Variants in SCCPDH observed in about 807,000 individuals in gnomAD.
SCCPDH encodes the protein saccharopine dehydrogenase-like oxidoreductase.
SCCPDH carries 34 observed loss-of-function variants against 51.5 expected under a neutral mutation model. The ratio of observed to expected loss-of-function variants is 0.66; its 90% confidence interval spans 0.50 to 0.88. The LOEUF (loss-of-function observed/expected upper bound fraction) is 0.88. Ranked by LOEUF, SCCPDH falls within the 40% of genes least tolerant of loss-of-function variation. The pLI is 0.00. For synonymous variants in SCCPDH, 187 were observed against 191.3 expected (o/e 0.98, Z 0.19); for missense variants, 464 against 527.1 (o/e 0.88, Z 1.17).
At position 246,764,178 on chromosome 1, in the gene SCCPDH, C is replaced by T. The variant is rs1222676136; in HGVS notation, c.991-68C>T. On this transcript the variant is annotated intron_variant, in intron 9 of 11. Coordinates refer to ENST00000366510, the MANE Select transcript of SCCPDH (RefSeq NM_016002.3). Reference sequence around the variant, plus strand: ...AATGTCTCACTTGAAATAGAATAGTCGGTTTTACTATGTTCCAGGAGGAAA... The same window carrying T: ...AATGTCTCACTTGAAATAGAATAGTTGGTTTTACTATGTTCCAGGAGGAAA... 3.3e-6 allele frequency: 3 copies of T among 895,698 alleles called. No homozygotes were observed. The African/African-American group carries it at 5.0e-5, about 15-fold the overall frequency. The allele number at this position is 895,698 out of a possible 1,614,324, so 55.5% of individuals were successfully genotyped here.
Position 246,724,480 on chromosome 1 carries a change from G to T in SCCPDH, c.58G>T (p.Gly20Cys). ...LVVFGASGFT[G>C]QFVTEEVARE... The stretch of plus-strand genomic sequence containing the variant: ...GGTGTTCGGCGCGTCTGGCTTCACC[G>T]GCCAGTTCGTGACCGAGGAGGTGGC... The change falls in exon 1 of 12, where the codon GGC becomes TGC. Residue 20 changes from glycine to cysteine, a missense_variant. Physicochemically the swap from Gly to Cys is radical, Grantham distance 159. Coordinates refer to ENST00000366510, the MANE Select transcript of SCCPDH (RefSeq NM_016002.3). The T allele has an allele frequency of 6.3e-7, 1 of 1,588,426 alleles. No homozygotes were observed. Among genetic ancestry groups the T allele is most frequent in the Admixed American group, 1.8e-5 (1 of 56,940 alleles).
At chr1:246,740,833 C>G (rs940994802) in intron 4 of SCCPDH, among the ~76,000 whole-genome samples, 7 of 152,098 alleles carry the variant, frequency 4.6e-5, no homozygotes, top group Non-Finnish European at 8.8e-5. Context: ...ATAATCTTAG[C>G]TACTTGGGAG....
chr1:246,753,568 C>T (rs2102988385), intron 5 of SCCPDH, among the ~76,000 whole-genome samples: 1 of 151,950 alleles, frequency 6.6e-6, no homozygotes, highest in Admixed American at 6.6e-5. Flanking sequence ...TATCAATTCC[C>T]TAAGGTCCTG....
At chr1:246,733,813 GA>G (rs1192332804) in intron 2 of SCCPDH, among the ~76,000 whole-genome samples, 19 of 152,174 alleles carry the variant, frequency 1.2e-4, no homozygotes, top group Non-Finnish European at 4.4e-5. Flanking sequence ...AAAATAAAAG[GA>G]AAATGTAGGC....
At chr1:246,733,264 T>G (rs1470533056) in intron 2 of SCCPDH, among the ~76,000 whole-genome samples, 1 of 151,896 alleles carries the variant, frequency 6.6e-6, no homozygotes, top group Non-Finnish European at 1.5e-5. Context: ...TTTTTGTATT[T>G]TTTGTAGAGA....
At chr1:246,724,834 A>AT (rs921394764) in intron 1 of SCCPDH, among the ~76,000 whole-genome samples, 52 of 151,652 alleles carry the variant, frequency 3.4e-4, no homozygotes, top group East Asian at 1.4e-3. Context: ...ATACACACAC[A>AT]TTTTTTTTTC....
Position 246,727,000 on chromosome 1 carries a change from G to C in SCCPDH, c.299G>C (p.Gly100Ala). The change falls in exon 2 of 12, where the codon GGA becomes GCA. Residue 100 changes from glycine (G) to alanine (A), a missense_variant. Gly to Ala is a moderately conservative substitution (Grantham distance 60). Coordinates refer to ENST00000366510, the MANE Select transcript of SCCPDH (RefSeq NM_016002.3). Reference sequence around the variant, plus strand: ...GCAACAGTTGTCCTCAATTGCGTAGGACCAGTAAGTAATCAACCCTTCTTT... The same window carrying C: ...GCAACAGTTGTCCTCAATTGCGTAGCACCAGTAAGTAATCAACCCTTCTTT... ...KQATVVLNCV[G>A]PYRFYGEPVI... The C allele has an allele frequency of 6.2e-7, 1 of 1,600,024 alleles. No individual in the cohort carries two copies. Among genetic ancestry groups the C allele is most frequent in the Middle Eastern group, 1.7e-4 (1 of 6,042 alleles).
intron 2 of SCCPDH, among the ~76,000 whole-genome samples, chr1:246,728,715 T>C (rs1264095743): frequency 6.6e-6 from 1 of 152,176 alleles, no homozygotes; most frequent in Non-Finnish European, 1.5e-5. Context: ...AGAAGCTGGT[T>C]AATAACAGAA....
At chr1:246,763,440 CCTT>C (rs1285955612) in intron 9 of SCCPDH, among the ~76,000 whole-genome samples, 1 of 152,132 alleles carries the variant, frequency 6.6e-6, no homozygotes, top group African/African-American at 2.4e-5. Flanking sequence ...CTACTGCATC[CCTT>C]CTTCCCTTTA....
In SCCPDH at chr1:246,727,025, T is replaced by C. The variant is rs780763635; in HGVS notation, c.303+21T>C. 4 of 1,460,880 alleles carry C rather than the reference T, an allele frequency of 2.7e-6. No individual in the cohort carries two copies. In the African/African-American group the frequency reaches 5.6e-5, roughly 20 times the overall value. The allele number at this position is 1,460,880 out of a possible 1,614,324, so 90.5% of individuals were successfully genotyped here. On this transcript the variant is annotated intron_variant, in intron 2 of 11. Coordinates refer to ENST00000366510, the MANE Select transcript of SCCPDH (RefSeq NM_016002.3). ...GACCAGTAAGTAATCAACCCTTCTT[T>C]GTATCAGAACAAACAATCCATTCAT...
chr1:246,733,193 C>T (rs1339732739), intron 2 of SCCPDH, among the ~76,000 whole-genome samples: 1 of 152,038 alleles, frequency 6.6e-6, no homozygotes, highest in Non-Finnish European at 1.5e-5. Flanking sequence ...CTCAAGGGAT[C>T]TTCCAGCCTC....
intron 5 of SCCPDH, among the ~76,000 whole-genome samples, chr1:246,751,562 C>T (rs944794774): frequency 1.3e-5 from 2 of 152,180 alleles, no homozygotes; most frequent in Non-Finnish European, 2.9e-5. Context: ...ACTGTTTCTT[C>T]AATAGTTTTA....
chr1:246,735,016 T>C (rs1431918832), intron 2 of SCCPDH, among the ~76,000 whole-genome samples: 1 of 152,216 alleles, frequency 6.6e-6, no homozygotes, highest in Non-Finnish European at 1.5e-5. Flanking sequence ...TGACCAATAA[T>C]ACCACTGGTT....
intron 4 of SCCPDH, among the ~76,000 whole-genome samples, chr1:246,743,271 T>C (rs1668706497): frequency 6.6e-6 from 1 of 152,062 alleles, no homozygotes; most frequent in African/African-American, 2.4e-5. Context: ...TACATGCCAC[T>C]GCAGCTGGCT....
At chr1:246,739,201 G>A (rs141489748) in intron 3 of SCCPDH, among the ~76,000 whole-genome samples, 1 of 152,140 alleles carries the variant, frequency 6.6e-6, no homozygotes, top group Non-Finnish European at 1.5e-5. Flanking sequence ...GAAACCTGGT[G>A]AACACTGCCT....
At chr1:246,746,792 G>A (rs903838817) in intron 5 of SCCPDH, among the ~76,000 whole-genome samples, 22 of 152,352 alleles carry the variant, frequency 1.4e-4, no homozygotes, top group African/African-American at 5.3e-4. Flanking sequence ...AGTGAGCCGA[G>A]ATCGTGCCAC....
At chr1:246,750,009 C>T (rs996037996) in intron 5 of SCCPDH, among the ~76,000 whole-genome samples, 2 of 152,108 alleles carry the variant, frequency 1.3e-5, no homozygotes, top group South Asian at 2.1e-4. Flanking sequence ...AACCCATTTT[C>T]GCTTTAGCTT....
intron 2 of SCCPDH, among the ~76,000 whole-genome samples, chr1:246,731,409 G>A (rs184106225): frequency 6.6e-6 from 1 of 152,328 alleles, no homozygotes; most frequent in African/African-American, 2.4e-5. Context: ...CTTCACTGCA[G>A]CCTGCCAGTA....
At chr1:246,739,416 G>T (rs1232019231) in intron 3 of SCCPDH, among the ~76,000 whole-genome samples, 1 of 152,118 alleles carries the variant, frequency 6.6e-6, no homozygotes, top group Non-Finnish European at 1.5e-5. Flanking sequence ...AACCATCAAG[G>T]TCATCAGAGA....
Sources: gnomAD v4.1 joint callset for allele counts (sites outside exome capture counted in the v4.1 genomes callset) on GRCh38, gnomAD v4.1.1 for gene constraint, MANE v1.5 for transcripts, NCBI Gene and HGNC (gene_info 2026-07-23, HGNC 2026-07-21) for gene names.